TRABD2B: variants seen among roughly 807,000 people sequenced by gnomAD.
TRABD2B encodes the protein metalloprotease TIKI2.
A neutral mutation model predicts 40.1 loss-of-function variants in TRABD2B; 14 were observed. That is an observed-to-expected ratio of 0.35 (90% CI 0.23 to 0.55). The LOEUF is 0.55. Ranked by LOEUF, TRABD2B falls within the 20% of genes least tolerant of loss-of-function variation. TRABD2B has a pLI of 0.90. For missense variants in TRABD2B, 541 were observed against 648.6 expected, an observed-to-expected ratio of 0.83 and a Z score of 1.80; for synonymous variants, 263 against 277.0, an observed-to-expected ratio of 0.95 and a Z score of 0.50.
Position 47,762,327 on chromosome 1 carries a change from A to T in TRABD2B, c.*3575T>A, listed in dbSNP as rs1199848193. The T allele has an allele frequency of 6.6e-6, 1 of 152,232 alleles. No homozygotes were observed. Among genetic ancestry groups the T allele is most frequent in the Non-Finnish European group, 1.5e-5 (1 of 68,050 alleles). 9.4% of individuals were successfully genotyped at this position (152,232 alleles called of 1,614,324 possible). ...CTGAGGACTCTGGTTCTTATCTCACAGTCACTGAAAAACTATCACCAGCCC... is the reference window on the plus strand; with the variant it reads ...CTGAGGACTCTGGTTCTTATCTCACTGTCACTGAAAAACTATCACCAGCCC... On this transcript the variant is annotated 3_prime_UTR_variant, in exon 7 of 7. Transcript: ENST00000606738.
In TRABD2B at chr1:47,786,849, A is replaced by G. The variant is rs551775595; in HGVS notation, c.988+7737T>C. Among the ~76,000 whole-genome samples, 6 of 152,236 alleles carry G rather than the reference A, an allele frequency of 3.9e-5. 1 individual carries two copies. The South Asian group carries it at 1.2e-3, about 32-fold the overall frequency. On this transcript the variant is annotated intron_variant, in intron 4 of 6. Coordinates refer to ENST00000606738, the MANE Select transcript of TRABD2B (RefSeq NM_001194986.2). ...TGAGTATCTGGGACTATAGGCATGCATCACCATGACTATGACTGGCAAATT... is the reference window on the plus strand; with the variant it reads ...TGAGTATCTGGGACTATAGGCATGCGTCACCATGACTATGACTGGCAAATT...
At chr1:47,864,753 G>A (rs1468444438) in intron 2 of TRABD2B, among the ~76,000 whole-genome samples, 4 of 152,118 alleles carry the variant, frequency 2.6e-5, no homozygotes, top group Non-Finnish European at 4.4e-5. Context: ...CACTGCTCCT[G>A]CTGTGGGTGG....
At chr1:47,814,660 C>T (rs559777330) in intron 2 of TRABD2B, among the ~76,000 whole-genome samples, 1 of 152,288 alleles carries the variant, frequency 6.6e-6, no homozygotes, top group South Asian at 2.1e-4. Flanking sequence ...AATCCTTGAG[C>T]CCCACTTGAG....
intron 2 of TRABD2B, among the ~76,000 whole-genome samples, chr1:47,941,329 C>G (rs1015030837): frequency 6.6e-6 from 1 of 152,196 alleles, no homozygotes; most frequent in Non-Finnish European, 1.5e-5. Context: ...CGTGCATGTA[C>G]ACACACCCAT....
At chr1:47,774,598 T>C (rs1480589092) in intron 6 of TRABD2B, among the ~76,000 whole-genome samples, 1 of 152,190 alleles carries the variant, frequency 6.6e-6, no homozygotes, top group Non-Finnish European at 1.5e-5. Flanking sequence ...CAGAAGGGTC[T>C]CCGTGCATTA....
chr1:47,882,219 C>T (rs979089069), intron 2 of TRABD2B, among the ~76,000 whole-genome samples: 2 of 152,240 alleles, frequency 1.3e-5, no homozygotes, highest in Non-Finnish European at 2.9e-5. Context: ...ATGGCAGAAG[C>T]ACATCCTGCC....
At chr1:47,876,954 A>T (rs1179514709) in intron 2 of TRABD2B, among the ~76,000 whole-genome samples, 4 of 152,220 alleles carry the variant, frequency 2.6e-5, no homozygotes, top group Non-Finnish European at 1.5e-5. Flanking sequence ...GATCTATAAT[A>T]GTAGCTAGTA....
intron 2 of TRABD2B, among the ~76,000 whole-genome samples, chr1:47,920,100 G>A (rs773644278): frequency 6.6e-6 from 1 of 152,218 alleles, no homozygotes; most frequent in Non-Finnish European, 1.5e-5. Flanking sequence ...TGTATAGTAA[G>A]ATGAGACTCA....
In TRABD2B at chr1:47,775,454, T is replaced by TGGCACATGG. The variant is rs1157731836; in HGVS notation, c.1080-24_1080-16dup. 8.1e-7 allele frequency: 1 copy of TGGCACATGG among 1,234,564 alleles called. No homozygotes were observed. The highest frequency in any genetic ancestry group is 4.2e-5 in the Admixed American group (1 of 23,746). The allele number at this position is 1,234,564 out of a possible 1,614,324, so 76.5% of individuals were successfully genotyped here. A position where few individuals can be genotyped will look rare whatever the true frequency, so the allele number is the denominator to read the frequency against. On this transcript the variant is annotated splice_polypyrimidine_tract_variant and intron_variant, in intron 5 of 6. Coordinates refer to ENST00000606738, the MANE Select transcript of TRABD2B (RefSeq NM_001194986.2). ...GGGGGGCAGGGCTGGAAAGAGGTAA[T>TGGCACATGG]GGCACATGGGGCACATGTGTTGGAG...
chr1:47,960,425 G>T (rs1645494936), intron 2 of TRABD2B, among the ~76,000 whole-genome samples: 2 of 152,158 alleles, frequency 1.3e-5, no homozygotes, highest in South Asian at 2.1e-4. Flanking sequence ...AAGTCAAATT[G>T]TCCATGTTTG....
chr1:47,995,027 G>C (rs1478834847), intron 1 of TRABD2B, among the ~76,000 whole-genome samples: 2 of 152,182 alleles, frequency 1.3e-5, no homozygotes, highest in Non-Finnish European at 2.9e-5. Flanking sequence ...GCTTGGCCAA[G>C]TCAAACCTTC....
In TRABD2B at chr1:47,893,472, C is replaced by T. The variant is rs930793132; in HGVS notation, c.667-91853G>A. Reference sequence around the variant, plus strand: ...AATAAGAGCCTCCCTGAATTCTACTCGGGTTTCCTGGGTGTTGCCTTTTTA... The same window carrying T: ...AATAAGAGCCTCCCTGAATTCTACTTGGGTTTCCTGGGTGTTGCCTTTTTA... On this transcript the variant is annotated intron_variant, in intron 2 of 6. Transcript: ENST00000606738. Among the ~76,000 whole-genome samples the T allele has an allele frequency of 8.5e-5, 13 of 152,212 alleles. No individual in the cohort carries two copies. In the South Asian group the frequency reaches 1.7e-3, roughly 19 times the overall value.
intron 4 of TRABD2B, among the ~76,000 whole-genome samples, chr1:47,780,756 C>T (rs1324546230): frequency 1.3e-5 from 2 of 152,184 alleles, no homozygotes; most frequent in Admixed American, 1.3e-4. Context: ...GAATGAGGCA[C>T]ATTTGGGAAG....
chr1:47,886,359 C>T (rs780765041), intron 2 of TRABD2B, among the ~76,000 whole-genome samples: 3 of 152,202 alleles, frequency 2.0e-5, no homozygotes, highest in East Asian at 1.9e-4. Flanking sequence ...CCACTCGGCT[C>T]GGGCTCCCGT....
At chr1:47,867,325 GA>G (rs1644073581) in intron 2 of TRABD2B, among the ~76,000 whole-genome samples, 1 of 152,210 alleles carries the variant, frequency 6.6e-6, no homozygotes, top group South Asian at 2.1e-4. Context: ...AGGAAGGGAG[GA>G]AACTGATAAA....
At chr1:47,899,704 G>T (rs1435409854) in intron 2 of TRABD2B, among the ~76,000 whole-genome samples, 1 of 152,174 alleles carries the variant, frequency 6.6e-6, no homozygotes, top group Non-Finnish European at 1.5e-5. Flanking sequence ...TGGTGGTGGT[G>T]TGTGTGGTGG....
intron 1 of TRABD2B, among the ~76,000 whole-genome samples, chr1:47,995,863 A>G (rs773696629): frequency 1.9e-4 from 29 of 152,190 alleles, no homozygotes; most frequent in Non-Finnish European, 3.1e-4. Context: ...CTGGAGGTGC[A>G]CCTTGCCCAA....
chr1:47,910,097 C>T lies in TRABD2B; in HGVS notation c.666+83937G>A, dbSNP rs1347810011. Among the ~76,000 whole-genome samples the T allele has an allele frequency of 1.3e-5, 2 of 151,832 alleles. 1 individual carries two copies. On this transcript the variant is annotated intron_variant, in intron 2 of 6. Coordinates refer to ENST00000606738, the MANE Select transcript of TRABD2B (RefSeq NM_001194986.2). ...CTGGCCTTGACCTCCTGAGCTCAAG[C>T]AGTCAGCCTGCCTTGGCTTCCCAAA...
At chr1:47,846,845 T>A (rs1645476572) in intron 2 of TRABD2B, among the ~76,000 whole-genome samples, 1 of 91,528 alleles carries the variant, frequency 1.1e-5, no homozygotes, top group Non-Finnish European at 2.6e-5. Flanking sequence ...CCAGGTTAAG[T>A]TAAAACATGC....
Sources: allele counts gnomAD v4.1 joint callset (sites outside exome capture counted in the v4.1 genomes callset), GRCh38; gene constraint gnomAD v4.1.1; transcripts MANE v1.5; gene names NCBI Gene and HGNC (gene_info 2026-07-23, HGNC 2026-07-21).